Variants in SF3A3 observed in about 807,000 individuals in gnomAD.
The protein encoded by SF3A3 is splicing factor 3a subunit 3, also known as SAP 61.
A neutral mutation model predicts 85.8 loss-of-function variants in SF3A3; 9 were observed. That is an observed-to-expected ratio of 0.10 (90% confidence interval 0.06 to 0.18). The LOEUF is 0.18. SF3A3 is among the 10% of genes least tolerant of loss of function. SF3A3 has a pLI of 1.00. For missense variants in SF3A3, 306 were observed against 593.3 expected (o/e 0.52, Z 5.03); for synonymous variants, 195 against 204.4 (o/e 0.95, Z 0.39).
At chr1:37,979,364 T>A in intron 9 of SF3A3, 101 bp downstream of exon 9, 1 of 893,228 alleles carries the variant, frequency 1.1e-6, no homozygotes, top group Non-Finnish European at 1.8e-6. Flanking sequence ...CAAGAAATAG[T>A]GCCTTATCAC....
In SF3A3 at chr1:37,989,935, A is replaced by AGC; in HGVS notation, c.29_30dup (p.Tyr11AlafsTer48). ...ATGAGCCGTTCCTTCTCCTCATGAT[A>AGC]GCGCCGCTGCTGCTCCAGTATTGTC... On this transcript the variant is annotated frameshift_variant, in exon 1 of 17. Coordinates refer to ENST00000373019, the MANE Select transcript of SF3A3 (RefSeq NM_006802.4). LOFTEE classifies it high-confidence loss of function. 6.2e-7 allele frequency: 1 copy of AGC among 1,613,120 alleles called. No homozygotes were observed. Among genetic ancestry groups the AGC allele is most frequent in the Non-Finnish European group, 8.5e-7 (1 of 1,179,848 alleles).
intron 15 of SF3A3, 182 bp from the exon 16 acceptor site, chr1:37,960,357 A>T (rs1435223629): frequency 3.8e-6 from 2 of 524,516 alleles, no homozygotes; most frequent in Non-Finnish European, 6.9e-6. Context: ...TTTCCACTGC[A>T]AAATTCATCA....
chr1:37,977,446 T>C (rs1225333461), intron 11 of SF3A3, among the ~76,000 whole-genome samples: 2 of 152,206 alleles, frequency 1.3e-5, no homozygotes, highest in Non-Finnish European at 2.9e-5. Context: ...CTCATGCCTG[T>C]AATCCCAGCA....
intron 15 of SF3A3, among the ~76,000 whole-genome samples, chr1:37,962,603 C>CAAAAAA (rs10562404): frequency 3.7e-5 from 3 of 80,246 alleles, no homozygotes; most frequent in East Asian, 3.4e-4. Flanking sequence ...AACTCCATCT[C>CAAAAAA]AAAAAAAAAA....
intron 15 of SF3A3, among the ~76,000 whole-genome samples, chr1:37,961,773 A>AAAG (rs1553164717): frequency 6.9e-6 from 1 of 144,504 alleles, no homozygotes; most frequent in Non-Finnish European, 1.5e-5. Flanking sequence ...AAAAAAAAAA[A>AAAG]AAAAAAAAAA....
intron 15 of SF3A3, 81 bp from the exon 16 acceptor site, chr1:37,960,256 C>G: frequency 7.8e-7 from 1 of 1,286,404 alleles, no homozygotes; most frequent in Non-Finnish European, 1.1e-6. Context: ...CTCTCCCTGC[C>G]ATTAGGATGC....
rs1422495676 is a variant in SF3A3 at position 37,989,554 on chromosome 1, C to T, written c.138G>A (p.Met46Ile). 5.6e-6 allele frequency: 9 copies of T among 1,613,898 alleles called. No homozygotes were observed. Among genetic ancestry groups the T allele is most frequent in the Non-Finnish European group, 7.6e-6 (9 of 1,179,956 alleles). Residue 46 changes from methionine to isoleucine, a missense_variant, in exon 2 of 17, where the codon ATG becomes ATA. Met to Ile is a conservative substitution (Grantham distance 10, BLOSUM62 1). Around this residue, in one of 4 missense-constraint regions of SF3A3, gnomAD observed 152 missense variants for 192.0 expected, o/e 0.79. Transcript: ENST00000373019. ...QINSDHRTRA[M>I]QDRYMEVSGN... ...CAGACAGCTGGGCACTCACATCTTGCATGGCCCGAGTGCGGTGATCAGAAT... is the reference window on the plus strand; with the variant it reads ...CAGACAGCTGGGCACTCACATCTTGTATGGCCCGAGTGCGGTGATCAGAAT...
intron 15 of SF3A3, among the ~76,000 whole-genome samples, chr1:37,961,368 T>A (rs1646256581): frequency 6.6e-6 from 1 of 151,838 alleles, no homozygotes; most frequent in Non-Finnish European, 1.5e-5. Flanking sequence ...GCGGAACACC[T>A]GAGGTCGGGA....
intron 8 of SF3A3, 49 bp from the exon 9 acceptor site, chr1:37,979,582 G>T: frequency 6.8e-7 from 1 of 1,468,334 alleles, no homozygotes; most frequent in Non-Finnish European, 9.5e-7. Context: ...TAGGCCAGGT[G>T]TGGTGGCTCA....
intron 12 of SF3A3, among the ~76,000 whole-genome samples, chr1:37,973,114 G>A (rs895581937): frequency 3.3e-5 from 5 of 152,160 alleles, no homozygotes; most frequent in Non-Finnish European, 5.9e-5. Context: ...AGGAGGTGGA[G>A]GTTGCAGTGA....
intron 4 of SF3A3, among the ~76,000 whole-genome samples, chr1:37,986,700 T>C (rs1328822763): frequency 6.7e-6 from 1 of 149,314 alleles, no homozygotes; most frequent in Non-Finnish European, 1.5e-5. Flanking sequence ...TAGTCCCAGC[T>C]ACTCAGGAGG....
chr1:37,969,197 A>T (rs1646322439), intron 14 of SF3A3, among the ~76,000 whole-genome samples, 157 bp downstream of exon 14: 1 of 152,216 alleles, frequency 6.6e-6, no homozygotes, highest in African/African-American at 2.4e-5. Flanking sequence ...CATTGGTGCC[A>T]AAAGTCAAAT....
chr1:37,984,371 A>C, intron 5 of SF3A3, 111 bp from the exon 6 acceptor site: 1 of 669,848 alleles, frequency 1.5e-6, no homozygotes, highest in Non-Finnish European at 2.7e-6. Context: ...CTTCACCCAA[A>C]TGTCTTCCCT....
At chr1:37,989,361 C>T (rs979175026) in intron 2 of SF3A3, among the ~76,000 whole-genome samples, 187 bp downstream of exon 2, 2 of 152,098 alleles carry the variant, frequency 1.3e-5, no homozygotes, top group South Asian at 2.1e-4. Context: ...CAAGAGTTCC[C>T]CATTCAGAGA....
At position 37,976,949 on chromosome 1, in the gene SF3A3, T is replaced by C; in HGVS notation, c.940A>G (p.Thr314Ala). ...NPKSKGTKRD[T>A]ERNKDIAFLE... The stretch of plus-strand genomic sequence containing the variant: ...AAAGCAATGTCTTTGTTCCTTTCAG[T>C]GTCTCTGAGAAAAAGAAACAAGCTG... The change falls in exon 12 of 17, where the codon ACT becomes GCT. Residue 314 changes from threonine to alanine, a missense_variant. Thr to Ala is a moderately conservative substitution (Grantham distance 58). Coordinates refer to ENST00000373019, the MANE Select transcript of SF3A3 (RefSeq NM_006802.4). The C allele has an allele frequency of 1.9e-6, 3 of 1,607,588 alleles. No homozygotes were observed. The highest frequency in any genetic ancestry group is 2.6e-6 in the Non-Finnish European group (3 of 1,174,128).
chr1:37,981,192 C>T (rs1425533864), intron 7 of SF3A3, among the ~76,000 whole-genome samples: 1 of 152,050 alleles, frequency 6.6e-6, no homozygotes, highest in African/African-American at 2.4e-5. Context: ...TTTTTCCCAA[C>T]ATGTCATTTT....
In SF3A3 at chr1:37,984,712, G is replaced by C. The variant is rs1646443073; in HGVS notation, c.371C>G (p.Ala124Gly). The C allele has an allele frequency of 6.2e-7, 1 of 1,611,242 alleles. No individual in the cohort carries two copies. The highest frequency in any genetic ancestry group is 1.1e-5 in the South Asian group (1 of 91,028). ...AAATTTTCACCCCTACTTACTTTGT[G>C]CCTCTTCACTTGGATTCTCTCGAGC... ...LKARENPSEE[A>G]QNLVEFTDEE... is the part of the protein sequence containing the mutation. Residue 124 changes from alanine (A) to glycine (G), a missense_variant, in exon 5 of 17, where the codon GCA (alanine) becomes GGA (glycine). By Grantham distance (60) the Ala-to-Gly change is moderately conservative. Around this residue, in one of 4 missense-constraint regions of SF3A3, gnomAD observed 152 missense variants for 192.0 expected, o/e 0.79. Transcript: ENST00000373019.
At chr1:37,979,713 T>C (rs1481936410) in intron 8 of SF3A3, among the ~76,000 whole-genome samples, 180 bp from the exon 9 acceptor site, 1 of 152,054 alleles carries the variant, frequency 6.6e-6, no homozygotes, top group African/African-American at 2.4e-5. Context: ...CTGAATTAGC[T>C]GGGCATGATG....
chr1:37,988,119 C>G (rs1054173680), intron 2 of SF3A3, among the ~76,000 whole-genome samples: 6 of 152,170 alleles, frequency 3.9e-5, no homozygotes, highest in Admixed American at 3.9e-4. Flanking sequence ...TCTTTACATA[C>G]CACCGATGCC....
Sources: gnomAD v4.1 joint callset for allele counts (sites outside exome capture counted in the v4.1 genomes callset) on GRCh38, gnomAD v4.1.1 for gene constraint, gnomAD v4.1.1 regional missense constraint, MANE v1.5 for transcripts, NCBI Gene and HGNC (gene_info 2026-07-23, HGNC 2026-07-21) for gene names.